The following CSMD2 variants were observed in gnomAD, a reference collection of about 807,000 sequenced individuals.
CSMD2 encodes the protein CUB and sushi domain-containing protein 2.
CSMD2 carries 130 observed loss-of-function variants against 398.5 expected under a neutral mutation model. The observed-to-expected ratio is 0.33, with a 90% confidence interval of 0.28 to 0.38. The LOEUF (loss-of-function observed/expected upper bound fraction) is 0.38. Among genes scored for constraint, CSMD2 ranks in the 10% least tolerant of loss-of-function variants. CSMD2 has a pLI of 1.00. For missense variants in CSMD2, 3,829 were observed against 4,764.9 expected, an observed-to-expected ratio of 0.80 and a Z score of 5.78; for synonymous variants, 1,828 against 1,908.5, an observed-to-expected ratio of 0.96 and a Z score of 1.10.
intron 1 of CSMD2, among the ~76,000 whole-genome samples, chr1:34,105,271 T>A (rs1250263300): frequency 6.6e-6 from 1 of 152,174 alleles, no homozygotes; most frequent in East Asian, 1.9e-4. Context: ...CCTGTACATA[T>A]AGGATGTTTA....
At chr1:34,108,541 G>A (rs1400169468) in intron 1 of CSMD2, among the ~76,000 whole-genome samples, 2 of 152,198 alleles carry the variant, frequency 1.3e-5, no homozygotes, top group African/African-American at 4.8e-5. Flanking sequence ...ATGTCCTCAG[G>A]GGAGGCTGTT....
intron 32 of CSMD2, among the ~76,000 whole-genome samples, chr1:33,630,877 T>G (rs1642427849): frequency 6.6e-6 from 1 of 152,146 alleles, no homozygotes; most frequent in South Asian, 2.1e-4. Context: ...ATGAACATAG[T>G]ACATATCAAA....
At position 33,975,486 on chromosome 1, in the gene CSMD2, T is replaced by TATACACACACAC. The variant is rs145373689; in HGVS notation, c.518-39533_518-39532insGTGTGTGTGTAT. On this transcript the variant is annotated intron_variant, in intron 3 of 70. Coordinates refer to ENST00000373381, the MANE Select transcript of CSMD2 (RefSeq NM_001281956.2). ...CCACAGATCCTCCCTCTCCCAAGTG[T>TATACACACACAC]ACACACACACACACACACACACACA... Among the ~76,000 whole-genome samples the TATACACACACAC allele has an allele frequency of 6.8e-4, 99 of 146,466 alleles. 1 individual carries two copies. The highest frequency in any genetic ancestry group is 5.5e-3 in the East Asian group (27 of 4,902).
chr1:33,874,111 G>T (rs1029759207), intron 5 of CSMD2, among the ~76,000 whole-genome samples: 8 of 152,304 alleles, frequency 5.3e-5, no homozygotes, highest in Admixed American at 1.3e-4. Flanking sequence ...GCAACTGTTT[G>T]TCCCCTCAAC....
rs200071246 is a variant in CSMD2 at position 33,842,543 on chromosome 1, T to TA, written c.1033+4340dup. Among the ~76,000 whole-genome samples the TA allele has an allele frequency of 4.1e-3, 623 of 152,212 alleles. 3 individuals are homozygous for TA. The highest frequency in any genetic ancestry group is 0.014 in the African/African-American group (601 of 41,536). ...TTTCTCTAGGTGGCAGACTTGCCTC[T>TA]AGGTTGGCAAACTTTTTCTGTAAAG... On this transcript the variant is annotated intron_variant, in intron 6 of 70. Coordinates refer to ENST00000373381, the MANE Select transcript of CSMD2 (RefSeq NM_001281956.2).
intron 10 of CSMD2, among the ~76,000 whole-genome samples, chr1:33,793,216 C>A (rs559438091): frequency 6.6e-6 from 1 of 152,202 alleles, no homozygotes; most frequent in Non-Finnish European, 1.5e-5. Flanking sequence ...GAAGAGGAGC[C>A]TATGGCTCAC....
intron 56 of CSMD2, among the ~76,000 whole-genome samples, chr1:33,549,529 T>C (rs1163241783): frequency 5.3e-5 from 8 of 152,288 alleles, no homozygotes; most frequent in African/African-American, 1.9e-4. Context: ...ACTGTGGACA[T>C]AGGACCTTTG....
chr1:33,596,192 C>A (rs1370748462), intron 44 of CSMD2, among the ~76,000 whole-genome samples: 1 of 152,122 alleles, frequency 6.6e-6, no homozygotes, highest in East Asian at 1.9e-4. Context: ...CCCTCCTCAC[C>A]CTACTTGGGC....
At chr1:33,576,803 C>T (rs898725427) in intron 49 of CSMD2, among the ~76,000 whole-genome samples, 57 of 150,636 alleles carry the variant, frequency 3.8e-4, no homozygotes, top group African/African-American at 1.2e-3. Flanking sequence ...CATTATCTAC[C>T]GTTTTTTTTT....
intron 3 of CSMD2, among the ~76,000 whole-genome samples, chr1:33,997,205 G>T (rs574758513): frequency 1.3e-5 from 2 of 152,312 alleles, no homozygotes; most frequent in African/African-American, 4.8e-5. Context: ...GGCAGGCTGG[G>T]CCCAACAGGA....
At chr1:34,039,743 GC>G (rs1288889738) in intron 2 of CSMD2, among the ~76,000 whole-genome samples, 1 of 152,174 alleles carries the variant, frequency 6.6e-6, no homozygotes, top group Non-Finnish European at 1.5e-5. Flanking sequence ...GTTTAGGATT[GC>G]CTAGTTTGAA....
chr1:33,700,787 G>A, intron 22 of CSMD2, 114 bp from the exon 23 acceptor site: 1 of 958,174 alleles, frequency 1.0e-6, no homozygotes, highest in Non-Finnish European at 1.6e-6. Flanking sequence ...ACAACTATCA[G>A]AGGCACAGTG....
rs1359504415 is a variant in CSMD2 at position 33,636,896 on chromosome 1, C to T, written c.4775-342G>A. Among the ~76,000 whole-genome samples, 1 of 152,170 alleles carries T rather than the reference C, an allele frequency of 6.6e-6. No individual in the cohort carries two copies. Among genetic ancestry groups the T allele is most frequent in the African/African-American group, 2.4e-5 (1 of 41,442 alleles). ...CATGTGTTTCTCTGGCTGGTGGGGG[C>T]TGACAGTCCCTGGACCACATCTCAG... is the stretch of plus-strand genomic sequence containing the variant. On this transcript the variant is annotated intron_variant, in intron 29 of 70. Coordinates refer to ENST00000373381, the MANE Select transcript of CSMD2 (RefSeq NM_001281956.2). This position sits in a 1 kb window ranked among gnomAD's most constrained non-coding sequence, Gnocchi z 4.8.
Position 34,094,974 on chromosome 1 carries a change from C to T in CSMD2, c.188-5781G>A, listed in dbSNP as rs1282019320. ...AATATACATTTTTTTCAGCACCACACCACACCTATTCCAAAATTGACCACA... is the reference window on the plus strand; with the variant it reads ...AATATACATTTTTTTCAGCACCACATCACACCTATTCCAAAATTGACCACA... On this transcript the variant is annotated intron_variant, in intron 1 of 70. Transcript: ENST00000373381. 3.8e-4 allele frequency among the ~76,000 whole-genome samples: 54 copies of T among 141,264 alleles called. 1 individual carries two copies. The highest frequency in any genetic ancestry group is 1.4e-3 in the African/African-American group (52 of 37,298). 92.7% of individuals were successfully genotyped at this position (141,264 alleles called of 152,430 possible). A position where few individuals can be genotyped will look rare whatever the true frequency, so the allele number is the denominator to read the frequency against.
At chr1:34,118,289 T>C (rs566698727) in intron 1 of CSMD2, among the ~76,000 whole-genome samples, 6 of 152,182 alleles carry the variant, frequency 3.9e-5, no homozygotes, top group African/African-American at 1.4e-4. Flanking sequence ...AGACCATATA[T>C]AAAAGGCCCA....
At chr1:33,980,980 T>C (rs1646144774) in intron 3 of CSMD2, among the ~76,000 whole-genome samples, 1 of 151,900 alleles carries the variant, frequency 6.6e-6, no homozygotes, top group Non-Finnish European at 1.5e-5. Context: ...TGGTGGAGCA[T>C]GGGAGGGGAG....
chr1:33,716,031 T>C (rs1409166748), intron 20 of CSMD2, among the ~76,000 whole-genome samples: 1 of 152,122 alleles, frequency 6.6e-6, no homozygotes, highest in African/African-American at 2.4e-5. Flanking sequence ...AGGTGGGCCA[T>C]GTTCAGAGCA....
intron 15 of CSMD2, among the ~76,000 whole-genome samples, chr1:33,729,744 A>G (rs1186765980): frequency 6.6e-6 from 1 of 152,148 alleles, no homozygotes; most frequent in Non-Finnish European, 1.5e-5. Flanking sequence ...ACATAAAAAT[A>G]CATATTAAAA....
chr1:33,899,267 C>T (rs1642598207), intron 5 of CSMD2, among the ~76,000 whole-genome samples: 1 of 151,976 alleles, frequency 6.6e-6, no homozygotes, highest in Admixed American at 6.6e-5. Flanking sequence ...CCCACATCAA[C>T]CAACCACAGC....
Sources: gnomAD v4.1 joint callset for allele counts (sites outside exome capture counted in the v4.1 genomes callset) on GRCh38, gnomAD v4.1.1 for gene constraint, Gnocchi (gnomAD v3.1) non-coding constraint, MANE v1.5 for transcripts, NCBI Gene and HGNC (gene_info 2026-07-23, HGNC 2026-07-21) for gene names.